MRTFA: variants seen among roughly 807,000 people sequenced by gnomAD.
MRTFA encodes myocardin related transcription factor A, also known as myocardin-related transcription factor A.
In MRTFA, 20 loss-of-function variants were observed where a neutral mutation model predicts 83.5. That is an observed-to-expected ratio of 0.24 (90% CI 0.17 to 0.35). The LOEUF (loss-of-function observed/expected upper bound fraction) is 0.35, where lower values mean the gene tolerates loss of function less well. Ranked by LOEUF, MRTFA falls within the 10% of genes least tolerant of loss-of-function variation. The probability of loss-of-function intolerance (pLI) is 1.00; values close to 1 mark genes in which losing one functional copy is unlikely to be tolerated. For synonymous variants in MRTFA, 659 were observed against 541.2 expected (o/e 1.22, Z -3.02); for missense variants, 1,200 against 1,224.7 (o/e 0.98, Z 0.30).
rs146605241 is a variant in MRTFA at position 40,468,448 on chromosome 22, T to C, written c.242-5162A>G. ...GGTTAGTATGGGAAGAACAGGACAG[T>C]AAAAAAACAAGACCCCTCCCTCCAC... On this transcript the variant is annotated intron_variant, in intron 3 of 14. Coordinates refer to ENST00000355630, the MANE Select transcript of MRTFA (RefSeq NM_020831.6). Among the ~76,000 whole-genome samples the C allele has an allele frequency of 3.9e-5, 6 of 152,044 alleles. No homozygotes were observed. In the East Asian group the frequency reaches 1.2e-3, roughly 29 times the overall value.
chr22:40,446,631 G>A (rs2053383028), intron 4 of MRTFA, among the ~76,000 whole-genome samples: 1 of 152,166 alleles, frequency 6.6e-6, no homozygotes, highest in Non-Finnish European at 1.5e-5. Context: ...GGGAAGTCAG[G>A]CAAAATAAGG....
At chr22:40,440,428 C>T (rs1325557112) in intron 4 of MRTFA, among the ~76,000 whole-genome samples, 1 of 152,222 alleles carries the variant, frequency 6.6e-6, no homozygotes, top group Non-Finnish European at 1.5e-5. Context: ...CAGTTTCTCT[C>T]AGTCCCTGAG....
At chr22:40,569,763 A>C (rs201667699) in intron 2 of MRTFA, 1,969 of 140,870 alleles carry the variant, frequency 0.014, 29 homozygotes, top group East Asian at 0.05. Flanking sequence ...ATACATACAT[A>C]CATACATACA....
intron 3 of MRTFA, among the ~76,000 whole-genome samples, chr22:40,472,843 G>A (rs1045796961): frequency 2.0e-5 from 3 of 152,162 alleles, no homozygotes; most frequent in Non-Finnish European, 4.4e-5. Context: ...CATAGCTCCT[G>A]GAGCAGAGGA....
chr22:40,460,707 A>G (rs569814394), intron 4 of MRTFA, among the ~76,000 whole-genome samples: 28 of 152,174 alleles, frequency 1.8e-4, no homozygotes, highest in Non-Finnish European at 3.7e-4. Flanking sequence ...TGTATTGTAA[A>G]GCACAGCATT....
rs138859029 is a variant in MRTFA, at chr22:40,584,991, G to C, written c.-22+9683C>G. On this transcript the variant is annotated intron_variant, in intron 2 of 14. Transcript: ENST00000355630. ...ACCTGGGAGGTGGAGGTTGCAGTGA[G>C]CCAAGATCGCACCACTGCACTTCCA... 4.4e-3 allele frequency among the ~76,000 whole-genome samples: 663 copies of C among 152,276 alleles called. 7 individuals carry two copies. The highest frequency in any genetic ancestry group is 0.015 in the African/African-American group (639 of 41,552).
chr22:40,587,946 C>G (rs966965278), intron 2 of MRTFA: 2 of 377,430 alleles, frequency 5.3e-6, no homozygotes, highest in African/African-American at 4.3e-5. Context: ...ACATTTTTGC[C>G]AGATGACTCC....
At position 40,577,155 on chromosome 22, in the gene MRTFA, C is replaced by T. The variant is rs760645375; in HGVS notation, c.-22+17519G>A. On this transcript the variant is annotated intron_variant, in intron 2 of 14. Coordinates refer to ENST00000355630, the MANE Select transcript of MRTFA (RefSeq NM_020831.6). ...GAAAGATCACTTGAGCCTGGGAGGT[C>T]GAGGCTGCAGTGAGCCATGATAGTG... 9.5e-5 allele frequency among the ~76,000 whole-genome samples: 14 copies of T among 147,128 alleles called. 1 individual carries two copies. The highest frequency in any genetic ancestry group is 1.8e-4 in the Non-Finnish European group (12 of 67,416).
intron 4 of MRTFA, among the ~76,000 whole-genome samples, chr22:40,446,206 CAACT>C (rs1354283707): frequency 6.6e-6 from 1 of 152,226 alleles, no homozygotes; most frequent in African/African-American, 2.4e-5. Context: ...TGTTTTCCCA[CAACT>C]AACTGCCTAA....
chr22:40,509,915 A>G (rs1168943425), intron 3 of MRTFA, among the ~76,000 whole-genome samples: 1 of 119,854 alleles, frequency 8.3e-6, no homozygotes, highest in Non-Finnish European at 1.9e-5. Flanking sequence ...GAGGAACAAG[A>G]AAAAAAAAAA....
intron 3 of MRTFA, among the ~76,000 whole-genome samples, chr22:40,467,363 G>A (rs2053827751): frequency 6.6e-6 from 1 of 152,062 alleles, no homozygotes; most frequent in South Asian, 2.1e-4. Flanking sequence ...TATCTGTGTA[G>A]ACTAAAAATG....
intron 1 of MRTFA, among the ~76,000 whole-genome samples, chr22:40,605,183 G>A (rs2056305369): frequency 6.6e-6 from 1 of 152,230 alleles, no homozygotes; most frequent in Admixed American, 6.5e-5. Flanking sequence ...CCCACCATAT[G>A]CTAACATACT....
In MRTFA at chr22:40,418,459, G is replaced by C; in HGVS notation, c.2279C>G (p.Thr760Ser). The C allele has an allele frequency of 6.2e-7, 1 of 1,613,994 alleles. No individual in the cohort carries two copies. Among genetic ancestry groups the C allele is most frequent in the African/African-American group, 1.3e-5 (1 of 75,042 alleles). The change falls in exon 12 of 15, where the codon ACC (threonine) becomes AGC (serine). Residue 760 changes from threonine to serine, a missense_variant. By Grantham distance (58) the Thr-to-Ser change is moderately conservative. Around this residue, in one of 2 missense-constraint regions of MRTFA, gnomAD observed 1,107 missense variants for 1,041.8 expected, o/e 1.06. Transcript: ENST00000355630. ...GACAAGGTGGGTCCCTGTGGAGTCGGTGATGAGGGTGGGAGGTGCAACCCC... is the reference window on the plus strand; with the variant it reads ...GACAAGGTGGGTCCCTGTGGAGTCGCTGATGAGGGTGGGAGGTGCAACCCC...
intron 3 of MRTFA, among the ~76,000 whole-genome samples, chr22:40,546,735 A>C (rs1050191504): frequency 2.0e-5 from 3 of 152,256 alleles, no homozygotes; most frequent in Admixed American, 2.0e-4. Context: ...GAAACACTTC[A>C]GAGAAAAAGG....
chr22:40,605,843 C>T (rs912602695), intron 1 of MRTFA, among the ~76,000 whole-genome samples: 36 of 152,242 alleles, frequency 2.4e-4, no homozygotes, highest in African/African-American at 8.4e-4. Flanking sequence ...TGAGGAGGTT[C>T]CTGGGAAGCT....
intron 1 of MRTFA, among the ~76,000 whole-genome samples, chr22:40,609,252 C>A (rs543207994): frequency 4.4e-4 from 66 of 149,626 alleles, no homozygotes; most frequent in Non-Finnish European, 7.8e-4. Flanking sequence ...GATCACACCA[C>A]TGCACTCCAG....
At chr22:40,471,444 A>C (rs566344466) in intron 3 of MRTFA, among the ~76,000 whole-genome samples, 1 of 152,162 alleles carries the variant, frequency 6.6e-6, no homozygotes, top group African/African-American at 2.4e-5. Context: ...TCAAATTCCT[A>C]GGAAGGCATA....
chr22:40,498,493 C>T (rs1413735352), intron 3 of MRTFA, among the ~76,000 whole-genome samples: 1 of 151,172 alleles, frequency 6.6e-6, no homozygotes, highest in African/African-American at 2.4e-5. Context: ...CCATGTTGCG[C>T]AGGTTGGTCT....
At chr22:40,593,573 A>C (rs2056150366) in intron 2 of MRTFA, among the ~76,000 whole-genome samples, 1 of 152,214 alleles carries the variant, frequency 6.6e-6, no homozygotes, top group African/African-American at 2.4e-5. Flanking sequence ...AGATGATGAC[A>C]AAGGATTCAT....
Sources: allele counts gnomAD v4.1 joint callset (sites outside exome capture counted in the v4.1 genomes callset), GRCh38; gene constraint gnomAD v4.1.1; regional missense constraint gnomAD v4.1.1; transcripts MANE v1.5; gene names NCBI Gene and HGNC (gene_info 2026-07-23, HGNC 2026-07-21).